The following DOCK4 variants were observed in gnomAD, a reference collection of about 807,000 sequenced individuals.
DOCK4 encodes the protein dedicator of cytokinesis 4.
DOCK4 carries 97 observed loss-of-function variants against 268.1 expected under a neutral mutation model. The observed-to-expected ratio is 0.36, with a 90% CI of 0.31 to 0.43. The LOEUF (loss-of-function observed/expected upper bound fraction) is 0.43, where lower values mean the gene tolerates loss of function less well. Ranked by LOEUF, DOCK4 falls within the 20% of genes least tolerant of loss-of-function variation. DOCK4 has a pLI of 1.00. For synonymous variants in DOCK4, 954 were observed against 887.2 expected (o/e 1.08, Z -1.34); for missense variants, 2,145 against 2,455.7 (o/e 0.87, Z 2.67).
chr7:112,185,056 A>C (rs899898233), intron 1 of DOCK4, among the ~76,000 whole-genome samples: 1 of 152,200 alleles, frequency 6.6e-6, no homozygotes, highest in South Asian at 2.1e-4. Context: ...CCCACACTTA[A>C]AAGAAAGAAA....
At chr7:111,846,334 T>C (rs2134089134) in intron 24 of DOCK4, among the ~76,000 whole-genome samples, 1 of 152,322 alleles carries the variant, frequency 6.6e-6, no homozygotes, top group South Asian at 2.1e-4. Context: ...ATATTCTCCA[T>C]ATGTGGATTT....
chr7:111,811,893 T>G lies in DOCK4; in HGVS notation c.2987A>C (p.Asn996Thr). The G allele has an allele frequency of 6.6e-7, 1 of 1,523,310 alleles. No individual in the cohort carries two copies. The highest frequency in any genetic ancestry group is 8.9e-7 in the Non-Finnish European group (1 of 1,123,082). The allele number at this position is 1,523,310 out of a possible 1,614,324, so 94.4% of individuals were successfully genotyped here. ...GCTTACCTTATAATCAAAGTTTTCA[T>G]TTAAGAAGTTCTTACGAAGTGCATC... ...LSDALRKNFL[N>T]ENFDYKIWDS... Residue 996 changes from asparagine to threonine, a missense_variant, in exon 28 of 53, where the codon AAT becomes ACT. By Grantham distance (65) the Asn-to-Thr change is moderately conservative. Transcript: ENST00000428084.
At position 111,808,877 on chromosome 7, in the gene DOCK4, T is replaced by G. The variant is rs1331866900; in HGVS notation, c.3110A>C (p.Tyr1037Ser). ...ACCCATTGTTACCCGCATGTCACCA[T>G]ACCTGAAATAGAACAAAAAACCAAA... ...PSKKKKVLEK[Y>S]GDMRVTMGCE... The change falls in exon 30 of 53, where the codon TAT (tyrosine) becomes TCT (serine). Residue 1037 changes from tyrosine (Y) to serine (S), a missense_variant and splice_region_variant. This residue lies in a region of DOCK4 where 1,598 missense variants were observed against 1,986.7 expected (regional missense o/e 0.80). Coordinates refer to ENST00000428084, the MANE Select transcript of DOCK4 (RefSeq NM_001363540.2). 6.2e-7 allele frequency: 1 copy of G among 1,612,744 alleles called. No homozygotes were observed. The highest frequency in any genetic ancestry group is 1.3e-5 in the African/African-American group (1 of 74,928).
At chr7:111,744,665 A>G (rs2133460697) in intron 44 of DOCK4, among the ~76,000 whole-genome samples, 1 of 152,368 alleles carries the variant, frequency 6.6e-6, no homozygotes, top group Non-Finnish European at 1.5e-5. Context: ...CATAAGAGGT[A>G]AAACACAGAT....
At chr7:111,869,169 G>A (rs964186765) in intron 21 of DOCK4, among the ~76,000 whole-genome samples, 3 of 152,072 alleles carry the variant, frequency 2.0e-5, no homozygotes, top group Non-Finnish European at 2.9e-5. Context: ...TATAATCCCC[G>A]CTAAGCCACC....
intron 8 of DOCK4, among the ~76,000 whole-genome samples, chr7:111,969,758 A>G (rs1312189291): frequency 6.6e-6 from 1 of 152,214 alleles, no homozygotes; most frequent in Non-Finnish European, 1.5e-5. Context: ...TAATATACAC[A>G]TCCGTAGCTG....
At chr7:111,869,107 G>A (rs1193194723) in intron 21 of DOCK4, among the ~76,000 whole-genome samples, 2 of 152,152 alleles carry the variant, frequency 1.3e-5, no homozygotes, top group East Asian at 1.9e-4. Flanking sequence ...GGTGCCCAGC[G>A]ATGTGGGCAG....
At chr7:112,171,346 T>TC (rs572073828) in intron 1 of DOCK4, among the ~76,000 whole-genome samples, 17 of 152,248 alleles carry the variant, frequency 1.1e-4, no homozygotes, top group Non-Finnish European at 2.2e-4. Context: ...TTATATGAAT[T>TC]GTAATGAGAA....
chr7:111,985,456 G>C (rs1410342770), intron 6 of DOCK4, among the ~76,000 whole-genome samples: 2 of 152,054 alleles, frequency 1.3e-5, no homozygotes, highest in Non-Finnish European at 2.9e-5. Flanking sequence ...TAGAACCACA[G>C]CTTTCTTACT....
chr7:112,137,407 C>T lies in DOCK4; in HGVS notation c.37+68695G>A, dbSNP rs763056136. ...CTCCACAGCTTGAGAGGTTGCAAAG[C>T]ATTTCTTTGAGCTAAAATCTCCCTT... On this transcript the variant is annotated intron_variant, in intron 1 of 52. Transcript: ENST00000428084. 5.5e-4 allele frequency among the ~76,000 whole-genome samples: 84 copies of T among 152,162 alleles called. 1 individual carries two copies. Among genetic ancestry groups the T allele is most frequent in the Non-Finnish European group, 1.0e-3 (70 of 68,034 alleles).
At chr7:111,959,501 T>A (rs1383173679) in intron 8 of DOCK4, among the ~76,000 whole-genome samples, 1 of 152,204 alleles carries the variant, frequency 6.6e-6, no homozygotes, top group Non-Finnish European at 1.5e-5. Context: ...TTAAATGATG[T>A]ATGAGACGAG....
chr7:111,748,852 C>A (rs1419095127), intron 42 of DOCK4, among the ~76,000 whole-genome samples: 1 of 152,098 alleles, frequency 6.6e-6, no homozygotes, highest in African/African-American at 2.4e-5. Flanking sequence ...AGAGAATAAA[C>A]ATATTGTGAT....
intron 1 of DOCK4, among the ~76,000 whole-genome samples, chr7:112,157,460 C>G (rs1319361358): frequency 6.6e-6 from 1 of 152,122 alleles, no homozygotes; most frequent in Non-Finnish European, 1.5e-5. Flanking sequence ...AACTACATAC[C>G]TGTGTAATCC....
intron 40 of DOCK4, 27 bp from the exon 41 acceptor site, chr7:111,758,817 C>A (rs765764123): frequency 1.2e-6 from 2 of 1,610,732 alleles, no homozygotes; most frequent in East Asian, 4.5e-5. Context: ...AAGGAGAGAA[C>A]CTGACTTGGC....
At chr7:112,083,065 T>C (rs528751155) in intron 1 of DOCK4, among the ~76,000 whole-genome samples, 2 of 152,232 alleles carry the variant, frequency 1.3e-5, no homozygotes, top group South Asian at 4.1e-4. Context: ...CAAATAAATA[T>C]TCTAATTTTA....
chr7:112,049,853 G>A (rs936917349), intron 1 of DOCK4, among the ~76,000 whole-genome samples: 11 of 152,114 alleles, frequency 7.2e-5, no homozygotes, highest in South Asian at 2.1e-4. Flanking sequence ...ATCTAATAAC[G>A]TCTCTATCAA....
At chr7:111,912,534 A>AAATC (rs1307631264) in intron 13 of DOCK4, among the ~76,000 whole-genome samples, 8 of 152,190 alleles carry the variant, frequency 5.3e-5, no homozygotes, top group Admixed American at 5.2e-4. Context: ...AAAAAATTTT[A>AAATC]AATGTAAGCC....
intron 23 of DOCK4, among the ~76,000 whole-genome samples, chr7:111,852,814 C>T (rs903987575): frequency 2.0e-5 from 3 of 152,176 alleles, no homozygotes; most frequent in Non-Finnish European, 4.4e-5. Flanking sequence ...AAATGCCAAA[C>T]AAGCTGACTG....
intron 26 of DOCK4, among the ~76,000 whole-genome samples, chr7:111,833,239 T>C (rs923171919): frequency 2.0e-5 from 3 of 152,178 alleles, no homozygotes; most frequent in African/African-American, 7.2e-5. Flanking sequence ...TTTTTAATTC[T>C]AAATTCAAGA....
Sources: allele counts gnomAD v4.1 joint callset (sites outside exome capture counted in the v4.1 genomes callset), GRCh38; gene constraint gnomAD v4.1.1; regional missense constraint gnomAD v4.1.1; transcripts MANE v1.5; gene names NCBI Gene and HGNC (gene_info 2026-07-23, HGNC 2026-07-21).